The following LRP1B variants were observed in gnomAD, a reference collection of about 807,000 sequenced individuals.
LRP1B encodes the protein low-density lipoprotein receptor-related protein 1B.
Under a neutral mutation model 556.6 loss-of-function variants are expected in LRP1B, and 217 were observed. The observed-to-expected ratio is 0.39, with a 90% CI of 0.35 to 0.44. The LOEUF (loss-of-function observed/expected upper bound fraction) is 0.44, where lower values mean the gene tolerates loss of function less well. Ranked by LOEUF, LRP1B falls within the 20% of genes least tolerant of loss-of-function variation. LRP1B has a pLI of 1.00. For synonymous variants in LRP1B, 2,047 were observed against 1,865.8 expected (o/e 1.10, Z -2.50); for missense variants, 5,053 against 5,620.8 (o/e 0.90, Z 3.23).
At chr2:140,371,612 GT>G (rs35459142) in intron 69 of LRP1B, among the ~76,000 whole-genome samples, 77,498 of 147,714 alleles carry the variant, frequency 0.52, 20,346 homozygotes, top group Non-Finnish European at 0.57. Flanking sequence ...TGTTACATGA[GT>G]TTTTTTTTTT....
intron 37 of LRP1B, among the ~76,000 whole-genome samples, chr2:140,713,268 C>T (rs1687096783): frequency 6.6e-6 from 1 of 151,926 alleles, no homozygotes; most frequent in African/African-American, 2.4e-5. Flanking sequence ...TCTTCCCTCT[C>T]TCCAAATTTG....
At chr2:141,492,802 C>G (rs1480629807) in intron 2 of LRP1B, among the ~76,000 whole-genome samples, 1 of 152,092 alleles carries the variant, frequency 6.6e-6, no homozygotes, top group East Asian at 1.9e-4. Context: ...TTTAAATATA[C>G]CAGTCCTGAA....
At chr2:141,732,608 G>T (rs1326927571) in intron 2 of LRP1B, among the ~76,000 whole-genome samples, 1 of 151,966 alleles carries the variant, frequency 6.6e-6, no homozygotes, top group East Asian at 1.9e-4. Context: ...CAGTCGATCC[G>T]CAGAAATATC....
chr2:141,744,831 T>A (rs1693854044), intron 2 of LRP1B, among the ~76,000 whole-genome samples: 1 of 152,184 alleles, frequency 6.6e-6, no homozygotes, highest in Non-Finnish European at 1.5e-5. Flanking sequence ...GTACCCATCC[T>A]TCTTGGGAAG....
chr2:140,447,768 C>A (rs1686725296), intron 63 of LRP1B, among the ~76,000 whole-genome samples: 1 of 152,002 alleles, frequency 6.6e-6, no homozygotes, highest in South Asian at 2.1e-4. Context: ...TTAATAATTT[C>A]TAGCTTTTGA....
intron 1 of LRP1B, among the ~76,000 whole-genome samples, chr2:142,038,679 C>G (rs184735969): frequency 2.6e-5 from 4 of 151,512 alleles, no homozygotes; most frequent in Admixed American, 6.6e-5. Flanking sequence ...TATTCCTCTA[C>G]GATCTCCAGG....
At position 142,042,477 on chromosome 2, in the gene LRP1B, C is replaced by T. The variant is rs147025969; in HGVS notation, c.82+88171G>A. Among the ~76,000 whole-genome samples the T allele has an allele frequency of 4.6e-4, 70 of 151,510 alleles. No individual in the cohort carries two copies. The East Asian group carries it at 0.013, about 29-fold the overall frequency. The stretch of plus-strand genomic sequence containing the variant: ...GTTTTATCCTCTTAAAACAATAATG[C>T]ACTCAATAATTCTGTATTTACAACT... On this transcript the variant is annotated intron_variant, in intron 1 of 90. Coordinates refer to ENST00000389484, the MANE Select transcript of LRP1B (RefSeq NM_018557.3).
intron 2 of LRP1B, among the ~76,000 whole-genome samples, chr2:141,706,015 A>T (rs943225392): frequency 3.9e-4 from 60 of 152,056 alleles, no homozygotes; most frequent in African/African-American, 1.4e-3. Context: ...TTTAAATAGA[A>T]CACGACTAAG....
At chr2:141,309,921 C>T (rs1250739539) in intron 3 of LRP1B, among the ~76,000 whole-genome samples, 1 of 152,072 alleles carries the variant, frequency 6.6e-6, no homozygotes, top group Non-Finnish European at 1.5e-5. Flanking sequence ...CCTTAAATGT[C>T]AAATCTGCTG....
At chr2:141,122,647 T>G (rs1158065585) in intron 7 of LRP1B, among the ~76,000 whole-genome samples, 1 of 152,170 alleles carries the variant, frequency 6.6e-6, no homozygotes, top group African/African-American at 2.4e-5. Flanking sequence ...TTTATACTGT[T>G]GGTGGGACTG....
chr2:140,985,342 T>A (rs1177218129), intron 17 of LRP1B, among the ~76,000 whole-genome samples: 1 of 151,038 alleles, frequency 6.6e-6, no homozygotes, highest in African/African-American at 2.4e-5. Context: ...TTAAATACAT[T>A]AGGGTTTTTT....
chr2:140,634,365 C>A (rs1420311335), intron 41 of LRP1B, among the ~76,000 whole-genome samples: 1 of 151,920 alleles, frequency 6.6e-6, no homozygotes, highest in East Asian at 1.9e-4. Flanking sequence ...TATTCCAATA[C>A]CCCATAACAA....
intron 2 of LRP1B, among the ~76,000 whole-genome samples, chr2:141,634,119 G>A (rs1689013858): frequency 6.6e-6 from 1 of 151,526 alleles, no homozygotes; most frequent in East Asian, 1.9e-4. Flanking sequence ...TTAGCTCTGA[G>A]AGACACTAAA....
At position 141,208,876 on chromosome 2, in the gene LRP1B, C is replaced by CAAAAAAA. The variant is rs57659094; in HGVS notation, c.850+20300_851-20294dup. 1.1e-4 allele frequency among the ~76,000 whole-genome samples: 7 copies of CAAAAAAA among 65,480 alleles called. 1 individual carries two copies. Among genetic ancestry groups the CAAAAAAA allele is most frequent in the Non-Finnish European group, 1.7e-4 (6 of 35,904 alleles). The allele number at this position is 65,480 out of a possible 152,430, so 43.0% of individuals were successfully genotyped here. On this transcript the variant is annotated intron_variant, in intron 6 of 90. Transcript: ENST00000389484. ...AAAGCGAGATTCTGAGATTCCGTCT[C>CAAAAAAA]AAAAAAAAAAAAAAAAAAAAAAAAA... is the stretch of plus-strand genomic sequence containing the variant.
At chr2:141,947,162 T>C (rs1314272172) in intron 1 of LRP1B, among the ~76,000 whole-genome samples, 2 of 152,150 alleles carry the variant, frequency 1.3e-5, no homozygotes, top group Non-Finnish European at 1.5e-5. Flanking sequence ...CCAGGCACGG[T>C]GGCTCATGCC....
chr2:140,698,303 C>A (rs917926907), intron 41 of LRP1B, among the ~76,000 whole-genome samples: 1 of 151,874 alleles, frequency 6.6e-6, no homozygotes, highest in African/African-American at 2.4e-5. Flanking sequence ...ACTGAAGACT[C>A]CAGAGTCTGT....
chr2:141,387,436 A>G (rs1011364413), intron 3 of LRP1B, among the ~76,000 whole-genome samples: 3 of 152,106 alleles, frequency 2.0e-5, no homozygotes, highest in Non-Finnish European at 2.9e-5. Flanking sequence ...CTGTACAACA[A>G]GGGGAAAAAA....
intron 43 of LRP1B, among the ~76,000 whole-genome samples, chr2:140,576,262 AT>A (rs1164461238): frequency 4.6e-5 from 7 of 152,170 alleles, no homozygotes; most frequent in African/African-American, 9.7e-5. Context: ...CCACAAAACA[AT>A]TTCTCAGTGA....
At chr2:140,731,571 C>T (rs1687777502) in intron 35 of LRP1B, among the ~76,000 whole-genome samples, 1 of 151,850 alleles carries the variant, frequency 6.6e-6, no homozygotes, top group Non-Finnish European at 1.5e-5. Flanking sequence ...AGATCGAGAC[C>T]ATCCTGGTCA....
Sources: gnomAD v4.1 joint callset for allele counts (sites outside exome capture counted in the v4.1 genomes callset) on GRCh38, gnomAD v4.1.1 for gene constraint, MANE v1.5 for transcripts, NCBI Gene and HGNC (gene_info 2026-07-23, HGNC 2026-07-21) for gene names.